Variants in NKAIN2 observed in about 807,000 individuals in gnomAD.
NKAIN2 encodes sodium/potassium-transporting ATPase subunit beta-1-interacting protein 2.
In NKAIN2, 14 loss-of-function variants were observed where a neutral mutation model predicts 32.6. The observed-to-expected ratio is 0.43, with a 90% CI of 0.28 to 0.67. The LOEUF (loss-of-function observed/expected upper bound fraction) is 0.67, where lower values mean the gene tolerates loss of function less well. Among genes scored for constraint, NKAIN2 ranks in the 30% least tolerant of loss-of-function variants. The pLI, the probability that NKAIN2 is intolerant of heterozygous loss-of-function variation, is 0.17. For synonymous variants in NKAIN2, 80 were observed against 87.2 expected, an observed-to-expected ratio of 0.92 and a Z score of 0.46; for missense variants, 198 against 258.3, an observed-to-expected ratio of 0.77 and a Z score of 1.60.
chr6:124,780,037 G>A (rs1198704032), intron 4 of NKAIN2, among the ~76,000 whole-genome samples: 1 of 152,130 alleles, frequency 6.6e-6, no homozygotes, highest in African/African-American at 2.4e-5. Flanking sequence ...GCAGTAGCTT[G>A]GATTAATCTA....
intron 3 of NKAIN2, among the ~76,000 whole-genome samples, chr6:124,628,841 A>T (rs1418990110): frequency 2.0e-5 from 3 of 152,154 alleles, no homozygotes; most frequent in Admixed American, 2.0e-4. Flanking sequence ...AAGGAATAGC[A>T]ATATAAAATA....
intron 1 of NKAIN2, among the ~76,000 whole-genome samples, chr6:124,063,916 A>G (rs796472068): frequency 1.5e-4 from 23 of 152,150 alleles, no homozygotes; most frequent in African/African-American, 5.5e-4. Flanking sequence ...GTAGTTATTT[A>G]TACTGTACTA....
intron 4 of NKAIN2, among the ~76,000 whole-genome samples, chr6:124,710,210 C>T (rs1156912241): frequency 5.3e-5 from 8 of 151,700 alleles, no homozygotes; most frequent in African/African-American, 7.3e-5. Context: ...TTGTTATAAT[C>T]TCTGTTCTTT....
chr6:124,335,952 T>A (rs563059951), intron 2 of NKAIN2, among the ~76,000 whole-genome samples: 1 of 152,326 alleles, frequency 6.6e-6, no homozygotes, highest in South Asian at 2.1e-4. Flanking sequence ...TAATATTTAC[T>A]TAGGGAAAAC....
At chr6:124,110,800 T>C (rs925293068) in intron 1 of NKAIN2, among the ~76,000 whole-genome samples, 2 of 152,152 alleles carry the variant, frequency 1.3e-5, no homozygotes, top group Non-Finnish European at 2.9e-5. Flanking sequence ...CCACCATGAG[T>C]GGGCACCTAG....
chr6:124,627,072 C>T lies in NKAIN2; in HGVS notation c.274-31114C>T, dbSNP rs150918833. On this transcript the variant is annotated intron_variant, in intron 3 of 6. Coordinates refer to ENST00000368417, the MANE Select transcript of NKAIN2 (RefSeq NM_001040214.3). ...ATAACTTGAGTCCAGATGTTGGAGA[C>T]CAGCCTGGCCATGATGGCAAAATTC... is the stretch of plus-strand genomic sequence containing the variant. 5.3e-3 allele frequency among the ~76,000 whole-genome samples: 803 copies of T among 152,238 alleles called. 6 individuals are homozygous for T. Among genetic ancestry groups the T allele is most frequent in the African/African-American group, 0.017 (720 of 41,544 alleles).
intron 1 of NKAIN2, among the ~76,000 whole-genome samples, chr6:123,922,990 A>G (rs889458691): frequency 8.5e-5 from 13 of 152,184 alleles, no homozygotes; most frequent in African/African-American, 1.9e-4. Context: ...TTGTAGTTAC[A>G]TTTGTGGGCT....
chr6:124,820,270 C>T (rs1025541142), intron 6 of NKAIN2, among the ~76,000 whole-genome samples: 6 of 152,144 alleles, frequency 3.9e-5, no homozygotes, highest in East Asian at 1.9e-4. Flanking sequence ...GTGGTTAAGA[C>T]GACCTACTGA....
intron 4 of NKAIN2, among the ~76,000 whole-genome samples, chr6:124,699,955 A>C (rs968199772): frequency 3.3e-5 from 5 of 152,174 alleles, no homozygotes; most frequent in Non-Finnish European, 7.4e-5. Context: ...TATTTTTGTC[A>C]ACAAACAAAT....
intron 4 of NKAIN2, among the ~76,000 whole-genome samples, chr6:124,683,643 A>G (rs935425280): frequency 1.3e-5 from 2 of 152,120 alleles, no homozygotes; most frequent in African/African-American, 4.8e-5. Flanking sequence ...TGCGTGCTTG[A>G]CTAGTGTGCA....
chr6:124,352,821 G>A (rs1048574949), intron 2 of NKAIN2, among the ~76,000 whole-genome samples: 2 of 152,116 alleles, frequency 1.3e-5, no homozygotes, highest in Non-Finnish European at 2.9e-5. Flanking sequence ...TCTTGCTACA[G>A]CCTGCTTAGC....
intron 3 of NKAIN2, among the ~76,000 whole-genome samples, chr6:124,394,344 T>G (rs1179667071): frequency 6.6e-6 from 1 of 152,072 alleles, no homozygotes; most frequent in African/African-American, 2.4e-5. Context: ...TTTCTTGGCT[T>G]CCTTTAACAG....
At chr6:123,868,075 A>G (rs547453830) in intron 1 of NKAIN2, among the ~76,000 whole-genome samples, 18 of 152,090 alleles carry the variant, frequency 1.2e-4, no homozygotes, top group Middle Eastern at 3.4e-3. Context: ...TCACTGTGTT[A>G]GCCAGGATGG....
At chr6:124,756,319 G>C (rs531603040) in intron 4 of NKAIN2, among the ~76,000 whole-genome samples, 1 of 152,128 alleles carries the variant, frequency 6.6e-6, no homozygotes, top group Admixed American at 6.6e-5. Context: ...TTCTGCTTTC[G>C]ACACTGGCCT....
At chr6:124,791,426 C>A in intron 5 of NKAIN2, 27 bp downstream of exon 5, 1 of 1,513,420 alleles carries the variant, frequency 6.6e-7, no homozygotes, top group Non-Finnish European at 9.1e-7. Flanking sequence ...TATTCTGTTT[C>A]TTTCAAGTTC....
intron 1 of NKAIN2, among the ~76,000 whole-genome samples, chr6:123,991,057 T>C (rs1779389180): frequency 6.6e-6 from 1 of 152,214 alleles, no homozygotes; most frequent in Non-Finnish European, 1.5e-5. Flanking sequence ...TGCTTCTGTG[T>C]ACATACATGT....
intron 1 of NKAIN2, among the ~76,000 whole-genome samples, chr6:124,162,651 T>C (rs887035258): frequency 1.3e-5 from 2 of 151,970 alleles, no homozygotes; most frequent in African/African-American, 4.8e-5. Flanking sequence ...GATCACAAAC[T>C]CAAACTGCCA....
At chr6:124,628,831 A>C (rs998121652) in intron 3 of NKAIN2, among the ~76,000 whole-genome samples, 1 of 152,118 alleles carries the variant, frequency 6.6e-6, no homozygotes, top group Non-Finnish European at 1.5e-5. Context: ...ATCTTTTTAT[A>C]AGGAATAGCA....
intron 1 of NKAIN2, among the ~76,000 whole-genome samples, chr6:123,880,296 G>A (rs535762644): frequency 2.6e-5 from 4 of 152,254 alleles, no homozygotes; most frequent in African/African-American, 7.2e-5. Flanking sequence ...AATATGTCAA[G>A]GTCTAGTGAG....
Sources: gnomAD v4.1 joint callset for allele counts (sites outside exome capture counted in the v4.1 genomes callset) on GRCh38, gnomAD v4.1.1 for gene constraint, MANE v1.5 for transcripts, NCBI Gene and HGNC (gene_info 2026-07-23, HGNC 2026-07-21) for gene names.